OXR1: variants seen among roughly 807,000 people sequenced by gnomAD.
OXR1 encodes the protein oxidation resistance protein 1.
OXR1 carries 41 observed loss-of-function variants against 104.6 expected under a neutral mutation model. The ratio of observed to expected loss-of-function variants is 0.39; its 90% CI spans 0.31 to 0.51. The LOEUF (loss-of-function observed/expected upper bound fraction) is 0.51, where lower values mean the gene tolerates loss of function less well. Ranked by LOEUF, OXR1 falls within the 20% of genes least tolerant of loss-of-function variation. The probability of loss-of-function intolerance (pLI) is 0.77; values close to 1 mark genes in which losing one functional copy is unlikely to be tolerated. For missense variants in OXR1, 955 were observed against 1,031.9 expected, an observed-to-expected ratio of 0.93 and a Z score of 1.02; for synonymous variants, 348 against 348.4, an observed-to-expected ratio of 1.00 and a Z score of 0.01.
chr8:106,577,385 T>TA (rs1293940244), intron 3 of OXR1, among the ~76,000 whole-genome samples: 6 of 128,202 alleles, frequency 4.7e-5, no homozygotes, highest in African/African-American at 1.8e-4. Flanking sequence ...TAACTTTTTT[T>TA]TTTTTTTTTT....
intron 6 of OXR1, among the ~76,000 whole-genome samples, chr8:106,685,374 A>G (rs1359917018): frequency 6.6e-6 from 1 of 152,178 alleles, no homozygotes; most frequent in African/African-American, 2.4e-5. Context: ...AAGCTGTAGC[A>G]TCATGCCTGA....
intron 2 of OXR1, among the ~76,000 whole-genome samples, chr8:106,510,423 C>G (rs1009212278): frequency 6.6e-6 from 1 of 152,088 alleles, no homozygotes; most frequent in Non-Finnish European, 1.5e-5. Flanking sequence ...TGAACTGATG[C>G]AAGAATTGGA....
chr8:106,508,838 T>C (rs1207587607), intron 2 of OXR1, among the ~76,000 whole-genome samples: 6 of 152,130 alleles, frequency 3.9e-5, no homozygotes, highest in Non-Finnish European at 7.4e-5. Context: ...GACTACATTG[T>C]CATTTTAACT....
In OXR1 at chr8:106,494,591, T is replaced by G. The variant is rs1356317401; in HGVS notation, c.24-24352T>G. On this transcript the variant is annotated intron_variant, in intron 2 of 16. Coordinates refer to ENST00000517566, the MANE Select transcript of OXR1 (RefSeq NM_001198533.2). ...ATGTAGTTGGCTTATGAATATTGAC[T>G]GGGACTAAATGAATAAATATTGAAT... 2.6e-5 allele frequency among the ~76,000 whole-genome samples: 4 copies of G among 152,302 alleles called. No individual in the cohort carries two copies. The East Asian group carries it at 7.7e-4, about 29-fold the overall frequency.
At chr8:106,463,826 A>G (rs1490622773) in intron 2 of OXR1, among the ~76,000 whole-genome samples, 5 of 152,136 alleles carry the variant, frequency 3.3e-5, no homozygotes, top group Non-Finnish European at 7.4e-5. Context: ...GAAGAGCTCA[A>G]TAAATGCTTT....
rs543421523 is a variant in OXR1, at chr8:106,398,856, T to A, written c.23+39220T>A. On this transcript the variant is annotated intron_variant, in intron 2 of 16. Transcript: ENST00000517566. Reference sequence around the variant, plus strand: ...TAAACATAGCTATTTGCTATTCTTCTTTCTGCTGATAAATCACTGCTTCAC... The same window carrying A: ...TAAACATAGCTATTTGCTATTCTTCATTCTGCTGATAAATCACTGCTTCAC... 1.4e-4 allele frequency among the ~76,000 whole-genome samples: 22 copies of A among 152,290 alleles called. No homozygotes were observed. In the South Asian group the frequency reaches 4.6e-3, roughly 32 times the overall value.
chr8:106,455,971 T>C (rs924100731), intron 2 of OXR1, among the ~76,000 whole-genome samples: 1 of 152,236 alleles, frequency 6.6e-6, no homozygotes, highest in African/African-American at 2.4e-5. Context: ...TTTTTATAAC[T>C]AGTTTTTCAC....
chr8:106,482,680 A>G (rs997124416), intron 2 of OXR1, among the ~76,000 whole-genome samples: 7 of 152,080 alleles, frequency 4.6e-5, no homozygotes, highest in African/African-American at 1.7e-4. Context: ...GATGAGCATC[A>G]GATATCCATA....
intron 9 of OXR1, chr8:106,707,472 T>C: frequency 2.2e-6 from 1 of 462,686 alleles, no homozygotes; most frequent in Non-Finnish European, 3.7e-6. Flanking sequence ...CCATTTTCTC[T>C]TAAAAAGTTT....
At chr8:106,746,197 TG>T (rs1835380712) in intron 16 of OXR1, among the ~76,000 whole-genome samples, 1 of 91,758 alleles carries the variant, frequency 1.1e-5, no homozygotes, top group South Asian at 3.7e-4. Context: ...ATAACTGTGA[TG>T]GAATATTTTA....
chr8:106,640,847 T>C (rs1277939506), intron 3 of OXR1, among the ~76,000 whole-genome samples: 1 of 152,170 alleles, frequency 6.6e-6, no homozygotes, highest in African/African-American at 2.4e-5. Context: ...TTGTTCACAA[T>C]ACTTGAAAGA....
At chr8:106,379,884 G>A (rs1000247535) in intron 2 of OXR1, among the ~76,000 whole-genome samples, 1 of 152,010 alleles carries the variant, frequency 6.6e-6, no homozygotes, top group African/African-American at 2.4e-5. Flanking sequence ...GAAAAGGAAT[G>A]TGTATCCCTG....
chr8:106,704,284 C>CAA (rs1391049251), intron 8 of OXR1, among the ~76,000 whole-genome samples: 1 of 146,232 alleles, frequency 6.8e-6, no homozygotes, highest in Non-Finnish European at 1.5e-5. Context: ...GGATTACATT[C>CAA]AAAGAAGAGG....
chr8:106,403,436 T>C (rs1159323136), intron 2 of OXR1, among the ~76,000 whole-genome samples: 1 of 152,234 alleles, frequency 6.6e-6, no homozygotes, highest in Non-Finnish European at 1.5e-5. Flanking sequence ...TCAATGGGTG[T>C]AGTTCCCACA....
At chr8:106,311,471 A>G (rs926586587) in intron 1 of OXR1, among the ~76,000 whole-genome samples, 5 of 152,206 alleles carry the variant, frequency 3.3e-5, no homozygotes, top group African/African-American at 1.2e-4. Flanking sequence ...TTTAGTTTAT[A>G]TACTAAACTA....
chr8:106,302,964 A>G (rs1234814648), intron 1 of OXR1, among the ~76,000 whole-genome samples: 2 of 151,802 alleles, frequency 1.3e-5, no homozygotes, highest in East Asian at 2.0e-4. Flanking sequence ...CGTGTTAGCC[A>G]GGATGGTCTC....
At chr8:106,506,278 A>G (rs1812149999) in intron 2 of OXR1, among the ~76,000 whole-genome samples, 1 of 152,194 alleles carries the variant, frequency 6.6e-6, no homozygotes, top group African/African-American at 2.4e-5. Flanking sequence ...AGCTAGCTGA[A>G]TATTTAAGTT....
At chr8:106,288,604 CTCTA>C (rs1245322901) in intron 1 of OXR1, among the ~76,000 whole-genome samples, 89 of 146,984 alleles carry the variant, frequency 6.1e-4, no homozygotes, top group African/African-American at 1.9e-3. Flanking sequence ...TATATATACT[CTCTA>C]TATATTTATA....
intron 16 of OXR1, among the ~76,000 whole-genome samples, chr8:106,750,465 A>G (rs535078240): frequency 6.6e-6 from 1 of 151,582 alleles, no homozygotes; most frequent in Non-Finnish European, 1.5e-5. Context: ...AGCTGGGATT[A>G]CAGGCATGTG....
Sources: allele counts gnomAD v4.1 joint callset (sites outside exome capture counted in the v4.1 genomes callset), GRCh38; gene constraint gnomAD v4.1.1; transcripts MANE v1.5; gene names NCBI Gene and HGNC (gene_info 2026-07-23, HGNC 2026-07-21).